Variants in ERLIN1 observed in about 807,000 individuals in gnomAD.
ERLIN1 encodes erlin-1.
ERLIN1 carries 24 observed loss-of-function variants against 46.9 expected under a neutral mutation model. The ratio of observed to expected loss-of-function variants is 0.51; its 90% CI spans 0.37 to 0.72. The LOEUF is 0.72. Among genes scored for constraint, ERLIN1 ranks in the 30% least tolerant of loss-of-function variants. The probability of loss-of-function intolerance (pLI) is 0.00; values close to 1 mark genes in which losing one functional copy is unlikely to be tolerated. For synonymous variants in ERLIN1, 158 were observed against 143.2 expected (o/e 1.10, Z -0.74); for missense variants, 293 against 417.9 (o/e 0.70, Z 2.61).
intron 2 of ERLIN1, among the ~76,000 whole-genome samples, chr10:100,182,850 G>T (rs1231188310): frequency 6.6e-6 from 1 of 152,174 alleles, no homozygotes; most frequent in African/African-American, 2.4e-5. Context: ...ATGAACTAAG[G>T]AAAGAATGGG....
At chr10:100,163,746 C>A (rs536811639) in intron 8 of ERLIN1, among the ~76,000 whole-genome samples, 2 of 152,324 alleles carry the variant, frequency 1.3e-5, no homozygotes, top group African/African-American at 4.8e-5. Flanking sequence ...TGCCTATAAA[C>A]CCTATCCATT....
intron 3 of ERLIN1, among the ~76,000 whole-genome samples, chr10:100,178,650 C>T (rs746202364): frequency 1.7e-4 from 26 of 152,218 alleles, no homozygotes; most frequent in Non-Finnish European, 3.1e-4. Context: ...TTTAACACTA[C>T]AGATGAGAAG....
intron 6 of ERLIN1, among the ~76,000 whole-genome samples, chr10:100,169,153 G>C (rs1162058214): frequency 3.9e-5 from 6 of 152,142 alleles, no homozygotes; most frequent in Admixed American, 3.9e-4. Flanking sequence ...AAAAGTAAAA[G>C]TGGGAAGTCC....
At chr10:100,158,313 A>C (rs1016371273) in intron 8 of ERLIN1, among the ~76,000 whole-genome samples, 3 of 152,250 alleles carry the variant, frequency 2.0e-5, no homozygotes, top group Non-Finnish European at 4.4e-5. Flanking sequence ...GTTAAAAGCA[A>C]AAAGAGAAGA....
In ERLIN1 at chr10:100,164,071, A is replaced by G. The variant is rs142222778; in HGVS notation, c.588T>C (p.Leu196=). ...ELMEAEKTKL[L]IAAQKQKVVE... ...CAACCTTTTGTTTCTGTGCAGCTAT[A>G]AGGAGTTTTGTCTTCTCAGCCTCCC... The change falls in exon 8 of 11, where the codon CTT becomes CTC. Residue 196 remains leucine, a synonymous_variant. Transcript: ENST00000421367. The G allele has an allele frequency of 2.0e-5, 33 of 1,612,972 alleles. No homozygotes were observed. The highest frequency in any genetic ancestry group is 1.2e-4 in the African/African-American group (9 of 74,886).
chr10:100,159,153 T>C (rs983376242), intron 8 of ERLIN1, among the ~76,000 whole-genome samples: 51 of 152,236 alleles, frequency 3.4e-4, no homozygotes, highest in African/African-American at 1.2e-3. Context: ...AGCTATATTA[T>C]CAGGCAAAAT....
chr10:100,165,385 CTT>C lies in ERLIN1; in HGVS notation c.564-1292_564-1291del, dbSNP rs35096142. Among the ~76,000 whole-genome samples the C allele has an allele frequency of 3.0e-3, 393 of 130,482 alleles. 2 individuals are homozygous for C. Among genetic ancestry groups the C allele is most frequent in the African/African-American group, 0.011 (363 of 33,688 alleles). The allele number at this position is 130,482 out of a possible 152,430, so 85.6% of individuals were successfully genotyped here. A position where few individuals can be genotyped will look rare whatever the true frequency, so the allele number is the denominator to read the frequency against. ...TCATTTTTCCGTCACCAGAAGCAAT[CTT>C]TTTTTTTTTTTTTTTTTGAGATGGA... On this transcript the variant is annotated intron_variant, in intron 7 of 10. Coordinates refer to ENST00000421367, the MANE Select transcript of ERLIN1 (RefSeq NM_006459.4).
intron 1 of ERLIN1, 32 bp from the exon 2 acceptor site, chr10:100,183,869 AT>A (rs780894812): frequency 8.1e-6 from 12 of 1,476,950 alleles, no homozygotes; most frequent in Middle Eastern, 1.7e-4. Context: ...TGACAAAATT[AT>A]AAAAAGAAAA....
chr10:100,155,916 T>A (rs1843059840), intron 9 of ERLIN1, among the ~76,000 whole-genome samples: 2 of 152,172 alleles, frequency 1.3e-5, no homozygotes, highest in Admixed American at 6.5e-5. Context: ...AGCCCCAATT[T>A]AAGGAAGAAA....
chr10:100,176,629 C>T (rs1844323456), intron 4 of ERLIN1, among the ~76,000 whole-genome samples: 1 of 152,148 alleles, frequency 6.6e-6, no homozygotes, highest in Admixed American at 6.5e-5. Context: ...AGGTAATTTA[C>T]ATAAATTAGC....
In ERLIN1 at chr10:100,152,193, A is replaced by T; in HGVS notation, c.985T>A (p.Ser329Thr). Reference sequence around the variant, plus strand: ...CCAGAGGGTTCAAGAGCCTCCTTAGAGGGGAGTGAGCTTTCTCTTCCAGTC... The same window carrying T: ...CCAGAGGGTTCAAGAGCCTCCTTAGTGGGGAGTGAGCTTTCTCTTCCAGTC... ...IRTGRESSLP[S>T]KEALEPSGEN... is the part of the protein sequence containing the mutation. Residue 329 changes from serine (S) to threonine (T), a missense_variant, in exon 11 of 11, where the codon TCT becomes ACT. By Grantham distance (58) the Ser-to-Thr change is moderately conservative. Around this residue, in one of 3 missense-constraint regions of ERLIN1, gnomAD observed 69 missense variants for 74.5 expected, o/e 0.93. Transcript: ENST00000421367. 1 of 1,613,620 alleles carries T rather than the reference A, an allele frequency of 6.2e-7. No individual in the cohort carries two copies. The highest frequency in any genetic ancestry group is 8.5e-7 in the Non-Finnish European group (1 of 1,179,536).
At position 100,185,526 on chromosome 10, in the gene ERLIN1, G is replaced by C. The variant is rs1844915191; in HGVS notation, c.101C>G (p.Ala34Gly). The C allele has an allele frequency of 6.2e-7, 1 of 1,612,788 alleles. No individual in the cohort carries two copies. The highest frequency in any genetic ancestry group is 1.3e-5 in the African/African-American group (1 of 74,898). ...SIHKIEEGHL[A>G]VYYRGGALLT... ...ACATGCCGCTCACCTGTAGTACACAGCCAGATGGCCCTCCTCAATCTTGTG... is the reference window on the plus strand; with the variant it reads ...ACATGCCGCTCACCTGTAGTACACACCCAGATGGCCCTCCTCAATCTTGTG... Residue 34 changes from alanine (A) to glycine (G), a missense_variant, in exon 1 of 11, where the codon GCT becomes GGT. Ala to Gly is a moderately conservative substitution (Grantham distance 60). Transcript: ENST00000421367.
chr10:100,173,454 A>G (rs1324691), intron 6 of ERLIN1, among the ~76,000 whole-genome samples: 11,371 of 152,154 alleles, frequency 0.075, 764 homozygotes, highest in African/African-American at 0.17. Context: ...CTTATTACAT[A>G]CCATTTCTTT....
rs752421777 is a variant in ERLIN1 at position 100,156,130 on chromosome 10, C to T, written c.745+15G>A. The T allele has an allele frequency of 2.5e-6, 4 of 1,572,344 alleles. No individual in the cohort carries two copies. Among genetic ancestry groups the T allele is most frequent in the Non-Finnish European group, 3.5e-6 (4 of 1,144,148 alleles). ...TTCGGGACAGGCAGAGCTTCATCCT[C>T]TCCCCACAATGTACCTTCGATTTCA... On this transcript the variant is annotated intron_variant, in intron 9 of 10. Transcript: ENST00000421367.
intron 8 of ERLIN1, 30 bp downstream of exon 8, chr10:100,163,974 G>C: frequency 7.1e-7 from 1 of 1,410,862 alleles, no homozygotes; most frequent in Non-Finnish European, 1.0e-6. Flanking sequence ...AATGTACTTA[G>C]AGACAATCAT....
rs1842735057 is a variant in ERLIN1, at chr10:100,150,240, GCA to G, written c.*1889_*1890del. 1 of 138,640 alleles carries G rather than the reference GCA, an allele frequency of 7.2e-6. No homozygotes were observed. The highest frequency in any genetic ancestry group is 2.9e-5 in the African/African-American group (1 of 34,372). 8.6% of individuals were successfully genotyped at this position (138,640 alleles called of 1,614,324 possible). On this transcript the variant is annotated 3_prime_UTR_variant, in exon 11 of 11. Transcript: ENST00000421367. ...CTCAGAGCTGAGAGGGCACAGGGAG[GCA>G]CACTCCTCACACATGGGAGTTTAAG...
chr10:100,158,200 G>T, intron 8 of ERLIN1, among the ~76,000 whole-genome samples: 1 of 152,110 alleles, frequency 6.6e-6, no homozygotes, highest in Non-Finnish European at 1.5e-5. Context: ...AATGAAAGGG[G>T]AACTAAAACA....
intron 1 of ERLIN1, 106 bp from the exon 2 acceptor site, chr10:100,183,943 C>T (rs1245839563): frequency 2.7e-6 from 2 of 742,170 alleles, no homozygotes; most frequent in Non-Finnish European, 4.5e-6. Context: ...TGCTGACCTA[C>T]TAAAGCCTCA....
At chr10:100,152,601 G>T (rs1842865715) in intron 10 of ERLIN1, among the ~76,000 whole-genome samples, 1 of 152,178 alleles carries the variant, frequency 6.6e-6, no homozygotes, top group Non-Finnish European at 1.5e-5. Context: ...AAGGATGGGG[G>T]AGTTGGAAAA....
Sources: allele counts gnomAD v4.1 joint callset (sites outside exome capture counted in the v4.1 genomes callset), GRCh38; gene constraint gnomAD v4.1.1; regional missense constraint gnomAD v4.1.1; transcripts MANE v1.5; gene names NCBI Gene and HGNC (gene_info 2026-07-23, HGNC 2026-07-21).